EVA1C: variants seen among roughly 807,000 people sequenced by gnomAD.
EVA1C encodes eva-1 homolog C.
A neutral mutation model predicts 45.4 loss-of-function variants in EVA1C; 25 were observed. The ratio of observed to expected loss-of-function variants is 0.55; its 90% confidence interval spans 0.40 to 0.77. EVA1C has a LOEUF of 0.77. EVA1C is among the 30% of genes least tolerant of loss of function. EVA1C has a pLI of 0.00. For synonymous variants in EVA1C, 190 were observed against 221.2 expected, an observed-to-expected ratio of 0.86 and a Z score of 1.25; for missense variants, 479 against 554.8, an observed-to-expected ratio of 0.86 and a Z score of 1.37.
At chr21:32,464,303 A>G (rs1370610746) in intron 3 of EVA1C, among the ~76,000 whole-genome samples, 1 of 152,132 alleles carries the variant, frequency 6.6e-6, no homozygotes, top group Non-Finnish European at 1.5e-5. Context: ...CCAGGGCAGG[A>G]TAGGGATTTT....
intron 7 of EVA1C, among the ~76,000 whole-genome samples, chr21:32,510,895 C>G (rs945930896): frequency 6.6e-6 from 1 of 152,080 alleles, no homozygotes; most frequent in African/African-American, 2.4e-5. Flanking sequence ...AAAAAGTTAG[C>G]TAGGCATGGT....
chr21:32,490,433 G>C (rs2037118011), intron 4 of EVA1C, among the ~76,000 whole-genome samples: 1 of 152,142 alleles, frequency 6.6e-6, no homozygotes, highest in Non-Finnish European at 1.5e-5. Context: ...TCAGATGGGT[G>C]GTGGGGGATC....
At chr21:32,456,387 G>A (rs1402777564) in intron 2 of EVA1C, among the ~76,000 whole-genome samples, 1 of 152,220 alleles carries the variant, frequency 6.6e-6, no homozygotes, top group Non-Finnish European at 1.5e-5. Flanking sequence ...GGTCTGCTCT[G>A]TGGTTGTAAC....
Position 32,467,680 on chromosome 21 carries a change from T to C in EVA1C, c.482-16T>C, listed in dbSNP as rs1175679239. The C allele has an allele frequency of 6.2e-7, 1 of 1,600,138 alleles. No homozygotes were observed. The highest frequency in any genetic ancestry group is 8.5e-7 in the Non-Finnish European group (1 of 1,174,452). On this transcript the variant is annotated splice_polypyrimidine_tract_variant and intron_variant, in intron 3 of 7. Coordinates refer to ENST00000300255, the MANE Select transcript of EVA1C (RefSeq NM_058187.5). ...GGGGAAGCTGATGGTGCCTTCAATT[T>C]TTGTTTTTGCTTCAGATGAATTAAA...
At chr21:32,416,867 G>T (rs1194469990) in intron 1 of EVA1C, among the ~76,000 whole-genome samples, 1 of 152,224 alleles carries the variant, frequency 6.6e-6, no homozygotes, top group Admixed American at 6.5e-5. Flanking sequence ...AGGGACAGGG[G>T]ATGGGAAACA....
chr21:32,445,238 A>C (rs2035322285), intron 1 of EVA1C, among the ~76,000 whole-genome samples: 1 of 152,218 alleles, frequency 6.6e-6, no homozygotes, highest in South Asian at 2.1e-4. Context: ...GATAACGTAA[A>C]CAATAGTGCA....
chr21:32,503,417 G>A (rs2037621924), intron 6 of EVA1C, among the ~76,000 whole-genome samples: 1 of 152,134 alleles, frequency 6.6e-6, no homozygotes, highest in Non-Finnish European at 1.5e-5. Context: ...ATGGTGGCAC[G>A]TGCCTGTAAT....
At chr21:32,468,955 A>C (rs1601348544) in intron 4 of EVA1C, among the ~76,000 whole-genome samples, 1 of 152,176 alleles carries the variant, frequency 6.6e-6, no homozygotes, top group Non-Finnish European at 1.5e-5. Flanking sequence ...AAAGGAAGCT[A>C]TGCCAGCGGG....
chr21:32,418,864 A>G (rs899210775), intron 1 of EVA1C, among the ~76,000 whole-genome samples: 3 of 152,198 alleles, frequency 2.0e-5, no homozygotes, highest in Non-Finnish European at 4.4e-5. Flanking sequence ...CCCTCCCATC[A>G]GCATCATTTC....
chr21:32,438,480 C>G (rs2035048175), intron 1 of EVA1C, among the ~76,000 whole-genome samples: 2 of 98,718 alleles, frequency 2.0e-5, no homozygotes, highest in African/African-American at 8.2e-5. Context: ...GAGTGAGACT[C>G]TGTCTCAAAA....
At chr21:32,428,635 A>G (rs1411334144) in intron 1 of EVA1C, 1 of 151,860 alleles carries the variant, frequency 6.6e-6, no homozygotes, top group East Asian at 1.9e-4. Context: ...ATGAGAGTCT[A>G]CTCTCCACTA....
Position 32,412,902 on chromosome 21 carries a change from C to T in EVA1C, c.49C>T (p.Gln17Ter). The stretch of plus-strand genomic sequence containing the variant: ...CCAACCGCCGACGCCCCAGCCCGTG[C>T]AGCATCCCGGCCTCCGCCGGCAGGT... ...ARQPPTPQPVQHPGLRRQVEP... is the reference protein window; with the variant it reads ...ARQPPTPQPV The change falls in exon 1 of 8, where the codon CAG becomes TAG. Residue 17 changes from glutamine to a stop codon, truncating the protein, a stop_gained. Coordinates refer to ENST00000300255, the MANE Select transcript of EVA1C (RefSeq NM_058187.5). LOFTEE classifies it high-confidence loss of function. 6.6e-7 allele frequency: 1 copy of T among 1,515,918 alleles called. No individual in the cohort carries two copies. The highest frequency in any genetic ancestry group is 8.8e-7 in the Non-Finnish European group (1 of 1,135,272). The allele number at this position is 1,515,918 out of a possible 1,614,324, so 93.9% of individuals were successfully genotyped here.
intron 1 of EVA1C, among the ~76,000 whole-genome samples, chr21:32,432,974 C>T (rs906286476): frequency 6.6e-6 from 1 of 152,264 alleles, no homozygotes; most frequent in African/African-American, 2.4e-5. Flanking sequence ...TCAAGGGATC[C>T]TCCCGCCTCG....
chr21:32,461,277 C>A (rs1487200787), intron 3 of EVA1C, among the ~76,000 whole-genome samples: 1 of 152,156 alleles, frequency 6.6e-6, no homozygotes, highest in Non-Finnish European at 1.5e-5. Flanking sequence ...GTCCTCAGAG[C>A]CAAGGAAGGA....
At chr21:32,453,005 T>G (rs1360484828) in intron 1 of EVA1C, 4 of 289,566 alleles carry the variant, frequency 1.4e-5, no homozygotes, top group Non-Finnish European at 1.9e-5. Flanking sequence ...AAAACAGGAG[T>G]GCCTGTTCTC....
At chr21:32,492,806 G>A (rs540047028) in intron 4 of EVA1C, among the ~76,000 whole-genome samples, 1 of 151,832 alleles carries the variant, frequency 6.6e-6, no homozygotes, top group South Asian at 2.1e-4. Flanking sequence ...CCCCAGCCCT[G>A]CAGCTTAAGA....
At chr21:32,503,352 C>A (rs2037619500) in intron 6 of EVA1C, among the ~76,000 whole-genome samples, 1 of 152,174 alleles carries the variant, frequency 6.6e-6, no homozygotes, top group African/African-American at 2.4e-5. Context: ...TCGAGACCAA[C>A]CTGGCCAACA....
rs921211822 is a variant in EVA1C, at chr21:32,424,381, A to G, written c.160+11368A>G. On this transcript the variant is annotated intron_variant, in intron 1 of 7. Transcript: ENST00000300255. The stretch of plus-strand genomic sequence containing the variant: ...TGACAGGTGGAAATGGGAATGTATG[A>G]TCTTATCTAGAAGTCCAATTTGTAC... Among the ~76,000 whole-genome samples, 3 of 152,146 alleles carry G rather than the reference A, an allele frequency of 2.0e-5. No individual in the cohort carries two copies. In the South Asian group the frequency reaches 6.2e-4, roughly 32 times the overall value.
At chr21:32,427,885 A>G (rs2034553446) in intron 1 of EVA1C, among the ~76,000 whole-genome samples, 1 of 150,210 alleles carries the variant, frequency 6.7e-6, no homozygotes, top group African/African-American at 2.4e-5. Context: ...AAAGAAAGGC[A>G]GGAAAAACTT....
Sources: allele counts gnomAD v4.1 joint callset (sites outside exome capture counted in the v4.1 genomes callset), GRCh38; gene constraint gnomAD v4.1.1; transcripts MANE v1.5; gene names NCBI Gene and HGNC (gene_info 2026-07-23, HGNC 2026-07-21).